EYS: variants seen among roughly 807,000 people sequenced by gnomAD.
EYS encodes the protein protein eyes shut homolog.
A neutral mutation model predicts 282.1 loss-of-function variants in EYS; 250 were observed. The ratio of observed to expected loss-of-function variants is 0.89; its 90% CI spans 0.80 to 0.98. The LOEUF (loss-of-function observed/expected upper bound fraction) is 0.98. EYS is among the 50% of genes least tolerant of loss of function. The pLI is 0.00. For missense variants in EYS, 4,016 were observed against 3,709.0 expected (o/e 1.08, Z -2.15); for synonymous variants, 1,355 against 1,282.9 (o/e 1.06, Z -1.20).
At position 63,886,489 on chromosome 6, in the gene EYS, C is replaced by T. The variant is rs536115800; in HGVS notation, c.7056-22131G>A. Among the ~76,000 whole-genome samples, 9 of 152,234 alleles carry T rather than the reference C, an allele frequency of 5.9e-5. 1 individual carries two copies. In the South Asian group the frequency reaches 1.5e-3, roughly 25 times the overall value. ...TATTACTTTAGATCATTTTGTTAAA[C>T]GTTTGGAACATTTCAAGAAGTAATG... On this transcript the variant is annotated intron_variant, in intron 35 of 42. Transcript: ENST00000503581.
intron 26 of EYS, among the ~76,000 whole-genome samples, chr6:64,453,510 T>C (rs1775441921): frequency 6.6e-6 from 1 of 152,204 alleles, no homozygotes; most frequent in African/African-American, 2.4e-5. Context: ...TTACTGGGTA[T>C]CTACCCAAAG....
chr6:65,599,130 C>T (rs898757222), intron 2 of EYS, among the ~76,000 whole-genome samples: 6 of 151,972 alleles, frequency 3.9e-5, no homozygotes, highest in African/African-American at 1.2e-4. Flanking sequence ...TCCATATATG[C>T]GGATTTAGCT....
At chr6:63,738,421 G>C (rs1040681853) in intron 41 of EYS, among the ~76,000 whole-genome samples, 36 of 152,034 alleles carry the variant, frequency 2.4e-4, no homozygotes, top group African/African-American at 8.2e-4. Context: ...AAAATGATGA[G>C]TTCATGTCCT....
chr6:64,006,542 G>A (rs1043410366), intron 33 of EYS, among the ~76,000 whole-genome samples: 1 of 152,162 alleles, frequency 6.6e-6, no homozygotes, highest in African/African-American at 2.4e-5. Flanking sequence ...AAAGTGGTAA[G>A]AGTGGACATC....
intron 40 of EYS, among the ~76,000 whole-genome samples, chr6:63,764,653 G>A (rs1769738554): frequency 6.6e-6 from 1 of 151,596 alleles, no homozygotes; most frequent in African/African-American, 2.4e-5. Flanking sequence ...ATATATTTAA[G>A]GTATATAGCA....
Position 63,864,302 on chromosome 6 carries a change from T to C in EYS, c.7112A>G (p.Gln2371Arg), listed in dbSNP as rs989241722. Residue 2371 changes from glutamine (Q) to arginine (R), a missense_variant, in exon 36 of 43, where the codon CAG becomes CGG. Coordinates refer to ENST00000503581, the MANE Select transcript of EYS (RefSeq NM_001142800.2). ...CPRLYSGKLC[Q>R]FASCENNPCG... ...TGGGTTGTTTTCACAACTTGCAAAC[T>C]GGCACAGCTTGCCTGAATACAGCCT... The C allele has an allele frequency of 9.0e-6, 14 of 1,551,604 alleles. No homozygotes were observed. The highest frequency in any genetic ancestry group is 1.2e-5 in the Non-Finnish European group (14 of 1,146,940).
intron 35 of EYS, among the ~76,000 whole-genome samples, chr6:63,970,971 G>A (rs181128482): frequency 1.3e-5 from 2 of 152,288 alleles, no homozygotes; most frequent in East Asian, 3.9e-4. Flanking sequence ...GTAATTTAAA[G>A]AACGTTTGAG....
At chr6:64,520,278 A>C (rs1777691760) in intron 26 of EYS, among the ~76,000 whole-genome samples, 2 of 151,846 alleles carry the variant, frequency 1.3e-5, no homozygotes, top group African/African-American at 4.8e-5. Context: ...TGCTCCTATG[A>C]GTCAGCTTTG....
chr6:65,699,731 GT>G (rs930194502), intron 1 of EYS, among the ~76,000 whole-genome samples: 1 of 152,140 alleles, frequency 6.6e-6, no homozygotes, highest in Admixed American at 6.5e-5. Flanking sequence ...GAGGTGAATG[GT>G]GAAATATGGA....
At chr6:63,999,331 C>A in intron 33 of EYS, 148 bp from the exon 34 acceptor site, 1 of 671,848 alleles carries the variant, frequency 1.5e-6, no homozygotes, top group South Asian at 1.6e-5. Flanking sequence ...CAAGTGTGGA[C>A]ATTTTCAAGT....
At chr6:64,952,007 CTT>C in intron 14 of EYS, among the ~76,000 whole-genome samples, 1 of 151,826 alleles carries the variant, frequency 6.6e-6, no homozygotes, top group East Asian at 1.9e-4. Flanking sequence ...AAAAATAAAA[CTT>C]TATCTAGATT....
At chr6:63,999,373 C>G (rs1470248437) in intron 33 of EYS, among the ~76,000 whole-genome samples, 190 bp from the exon 34 acceptor site, 1 of 152,138 alleles carries the variant, frequency 6.6e-6, no homozygotes, top group African/African-American at 2.4e-5. Flanking sequence ...TCTAACACTG[C>G]GTTTTATTTT....
chr6:64,799,943 T>C (rs1774486572), intron 22 of EYS, among the ~76,000 whole-genome samples: 1 of 151,922 alleles, frequency 6.6e-6, no homozygotes, highest in African/African-American at 2.4e-5. Flanking sequence ...ATAATATACA[T>C]GCCCACACAC....
At chr6:63,807,338 C>G (rs1210723351) in intron 36 of EYS, among the ~76,000 whole-genome samples, 2 of 152,160 alleles carry the variant, frequency 1.3e-5, no homozygotes, top group Admixed American at 6.5e-5. Flanking sequence ...GATGTTGGAA[C>G]TCCAGGGAAG....
chr6:65,329,345 A>T, intron 11 of EYS: 5 of 846,608 alleles, frequency 5.9e-6, no homozygotes, highest in Non-Finnish European at 5.7e-6. Context: ...TAATACAATG[A>T]TATGTACTCT....
intron 36 of EYS, among the ~76,000 whole-genome samples, chr6:63,852,221 CA>C (rs1336379222): frequency 2.0e-5 from 2 of 100,020 alleles, no homozygotes; most frequent in Admixed American, 9.6e-5. Context: ...AAAATATTAA[CA>C]AAATAGAACC....
intron 12 of EYS, among the ~76,000 whole-genome samples, chr6:65,107,470 C>T (rs1561969106): frequency 7.0e-6 from 1 of 142,224 alleles, no homozygotes; most frequent in East Asian, 2.0e-4. Flanking sequence ...GAACAATTGG[C>T]TCCCTTGGGG....
chr6:65,360,477 G>A (rs1049256923), intron 8 of EYS, among the ~76,000 whole-genome samples: 2 of 151,936 alleles, frequency 1.3e-5, no homozygotes, highest in Admixed American at 1.3e-4. Context: ...AACAAAGCTG[G>A]CCTATTTTGG....
intron 12 of EYS, among the ~76,000 whole-genome samples, chr6:65,070,628 G>C (rs1393489755): frequency 6.6e-6 from 1 of 151,632 alleles, no homozygotes; most frequent in African/African-American, 2.4e-5. Context: ...GCCAATTCCT[G>C]TTACTAACTA....
Sources: gnomAD v4.1 joint callset for allele counts (sites outside exome capture counted in the v4.1 genomes callset) on GRCh38, gnomAD v4.1.1 for gene constraint, MANE v1.5 for transcripts, NCBI Gene and HGNC (gene_info 2026-07-23, HGNC 2026-07-21) for gene names.